Variants in ADAMTS12 observed in about 807,000 individuals in gnomAD.
ADAMTS12 encodes ADAM metallopeptidase with thrombospondin type 1 motif 12.
In ADAMTS12, 118 loss-of-function variants were observed where a neutral mutation model predicts 167.8. That is an observed-to-expected ratio of 0.70 (90% CI 0.61 to 0.82). The LOEUF (loss-of-function observed/expected upper bound fraction) is 0.82, where lower values mean the gene tolerates loss of function less well. Ranked by LOEUF, ADAMTS12 falls within the 40% of genes least tolerant of loss-of-function variation. ADAMTS12 has a pLI of 0.00. For missense variants in ADAMTS12, 1,916 were observed against 1,998.8 expected, an observed-to-expected ratio of 0.96 and a Z score of 0.79; for synonymous variants, 704 against 716.9, an observed-to-expected ratio of 0.98 and a Z score of 0.29.
intron 2 of ADAMTS12, among the ~76,000 whole-genome samples, chr5:33,799,055 G>A (rs1377347832): frequency 1.3e-5 from 2 of 152,022 alleles, no homozygotes; most frequent in African/African-American, 2.4e-5. Context: ...CATGAACACA[G>A]GGCTCACAGG....
chr5:33,545,328 T>G (rs1364330916), intron 22 of ADAMTS12, among the ~76,000 whole-genome samples: 1 of 152,128 alleles, frequency 6.6e-6, no homozygotes, highest in Non-Finnish European at 1.5e-5. Context: ...CTCATGCCAG[T>G]TAGAATGGTG....
rs147518194 is a variant in ADAMTS12, at chr5:33,578,423, G to A, written c.2866-1263C>T. ...ATTTTTACCCCCATCCCCAAACCTA[G>A]TGCAACACACTGTACAAGTAGCTGT... On this transcript the variant is annotated intron_variant, in intron 18 of 23. Coordinates refer to ENST00000504830, the MANE Select transcript of ADAMTS12 (RefSeq NM_030955.4). 3.3e-5 allele frequency among the ~76,000 whole-genome samples: 5 copies of A among 152,232 alleles called. No homozygotes were observed. In the East Asian group the frequency reaches 9.7e-4, roughly 29 times the overall value.
At position 33,525,452 on chromosome 5, in the gene ADAMTS12, C is replaced by T. The variant is rs1353728673; in HGVS notation, c.*1736G>A. 3 of 152,076 alleles carry T rather than the reference C, an allele frequency of 2.0e-5. No homozygotes were observed. The highest frequency in any genetic ancestry group is 1.3e-4 in the Admixed American group (2 of 15,266). The allele number at this position is 152,076 out of a possible 1,614,324, so 9.4% of individuals were successfully genotyped here. ...ATGGCTTGGAAAAAAATAAAAAGCA[C>T]ATAATATTAAATCTTAAATTCAAGG... On this transcript the variant is annotated 3_prime_UTR_variant, in exon 24 of 24. Transcript: ENST00000504830.
intron 6 of ADAMTS12, among the ~76,000 whole-genome samples, chr5:33,661,595 C>T (rs951678588): frequency 3.9e-5 from 6 of 152,202 alleles, no homozygotes; most frequent in African/African-American, 1.4e-4. Flanking sequence ...TGAGGCTCTG[C>T]AAGCAAGCTT....
At chr5:33,827,692 T>C (rs1029630868) in intron 2 of ADAMTS12, among the ~76,000 whole-genome samples, 2 of 150,584 alleles carry the variant, frequency 1.3e-5, no homozygotes, top group Non-Finnish European at 3.0e-5. Flanking sequence ...CATTTGGATA[T>C]GTCCTTGGAG....
At chr5:33,807,147 T>A (rs1159802671) in intron 2 of ADAMTS12, among the ~76,000 whole-genome samples, 2 of 152,236 alleles carry the variant, frequency 1.3e-5, no homozygotes, top group East Asian at 3.8e-4. Context: ...TAGACTTTTA[T>A]CTCCTCCAGG....
At chr5:33,669,407 A>T (rs1741591122) in intron 5 of ADAMTS12, among the ~76,000 whole-genome samples, 1 of 152,176 alleles carries the variant, frequency 6.6e-6, no homozygotes, top group African/African-American at 2.4e-5. Flanking sequence ...CAATCTGTGA[A>T]ATGTTCCACA....
At position 33,682,967 on chromosome 5, in the gene ADAMTS12, G is replaced by A. The variant is rs750067992; in HGVS notation, c.915+51C>T. 20 of 1,492,400 alleles carry A rather than the reference G, an allele frequency of 1.3e-5. No homozygotes were observed. In the African/African-American group the frequency reaches 2.2e-4, roughly 17 times the overall value. 92.4% of individuals were successfully genotyped at this position (1,492,400 alleles called of 1,614,324 possible). A position where few individuals can be genotyped will look rare whatever the true frequency, so the allele number is the denominator to read the frequency against. On this transcript the variant is annotated intron_variant, in intron 5 of 23. Coordinates refer to ENST00000504830, the MANE Select transcript of ADAMTS12 (RefSeq NM_030955.4). ...CCAAGAACTCCCCTGAAAAAAAGAA[G>A]GTAGGAAGTGCGAGGACATATAGCA...
At chr5:33,695,777 A>G (rs994937043) in intron 3 of ADAMTS12, among the ~76,000 whole-genome samples, 5 of 152,172 alleles carry the variant, frequency 3.3e-5, no homozygotes, top group African/African-American at 9.7e-5. Flanking sequence ...CTGGAGAGGG[A>G]TGGATGGTGA....
intron 2 of ADAMTS12, among the ~76,000 whole-genome samples, chr5:33,790,910 A>C (rs1330356884): frequency 6.6e-6 from 1 of 151,902 alleles, no homozygotes; most frequent in Non-Finnish European, 1.5e-5. Flanking sequence ...TTCCTGTTGC[A>C]TCCCACAGGA....
chr5:33,857,455 TA>T (rs1324241864), intron 2 of ADAMTS12, among the ~76,000 whole-genome samples: 7 of 152,058 alleles, frequency 4.6e-5, no homozygotes, highest in African/African-American at 1.7e-4. Flanking sequence ...AAATGGTAAT[TA>T]ATATGAGGTG....
chr5:33,723,990 T>C (rs569708161), intron 3 of ADAMTS12, among the ~76,000 whole-genome samples: 2 of 152,316 alleles, frequency 1.3e-5, no homozygotes, highest in East Asian at 3.9e-4. Flanking sequence ...TTCATGGTGA[T>C]TGTGGCTCTG....
rs149465523 is a variant in ADAMTS12 at position 33,783,317 on chromosome 5, G to C, written c.490-31769C>G. Among the ~76,000 whole-genome samples, 55 of 151,464 alleles carry C rather than the reference G, an allele frequency of 3.6e-4. No individual in the cohort carries two copies. In the East Asian group the frequency reaches 9.8e-3, roughly 27 times the overall value. On this transcript the variant is annotated intron_variant, in intron 2 of 23. Transcript: ENST00000504830. ...ATTAGAAAAGAAGAAAGCTATAAAT[G>C]CATTTATATAAAAACATTAAAAAGG...
At chr5:33,701,456 A>G (rs1742999503) in intron 3 of ADAMTS12, among the ~76,000 whole-genome samples, 1 of 152,132 alleles carries the variant, frequency 6.6e-6, no homozygotes, top group Non-Finnish European at 1.5e-5. Context: ...CTTTCTCTTG[A>G]GCTTTCCTTG....
At chr5:33,791,770 CTT>C (rs34517781) in intron 2 of ADAMTS12, among the ~76,000 whole-genome samples, 36 of 141,248 alleles carry the variant, frequency 2.5e-4, no homozygotes, top group African/African-American at 2.3e-4. Flanking sequence ...ATTTCCTTTT[CTT>C]TTTTTTTTTT....
chr5:33,546,321 T>C (rs1744981788), intron 21 of ADAMTS12, 119 bp from the exon 22 acceptor site: 1 of 924,692 alleles, frequency 1.1e-6, no homozygotes, highest in Non-Finnish European at 1.5e-6. Flanking sequence ...TATTGGTATC[T>C]GTATTAGAAT....
rs141809288 is a variant in ADAMTS12 at position 33,576,454 on chromosome 5, C to G, written c.3572G>C (p.Ser1191Thr). 1.2e-6 allele frequency: 2 copies of G among 1,610,002 alleles called. No individual in the cohort carries two copies. The highest frequency in any genetic ancestry group is 1.3e-5 in the African/African-American group (1 of 74,780). Residue 1191 changes from serine (S) to threonine (T), a missense_variant, in exon 19 of 24, where the codon AGT becomes ACT. Physicochemically the swap from Ser to Thr is moderately conservative, Grantham distance 58. Coordinates refer to ENST00000504830, the MANE Select transcript of ADAMTS12 (RefSeq NM_030955.4). ...RVPGNDAPVE[S>T]TEMPLAPPLT... Reference sequence around the variant, plus strand: ...TGGAGGTGCAAGTGGCATTTCTGTACTTTCCACTGGAGCGTCATTTCCAGG... The same window carrying G: ...TGGAGGTGCAAGTGGCATTTCTGTAGTTTCCACTGGAGCGTCATTTCCAGG...
At chr5:33,810,300 T>TTG (rs1747407052) in intron 2 of ADAMTS12, among the ~76,000 whole-genome samples, 1 of 152,192 alleles carries the variant, frequency 6.6e-6, no homozygotes, top group Admixed American at 6.5e-5. Flanking sequence ...TCCTCTTGGA[T>TTG]TGTATCCCTC....
intron 2 of ADAMTS12, among the ~76,000 whole-genome samples, chr5:33,779,995 C>T (rs1027398396): frequency 1.3e-5 from 2 of 152,064 alleles, no homozygotes; most frequent in African/African-American, 4.8e-5. Context: ...GTTTTTACTA[C>T]AAAAAATGAT....
Sources: gnomAD v4.1 joint callset for allele counts (sites outside exome capture counted in the v4.1 genomes callset) on GRCh38, gnomAD v4.1.1 for gene constraint, MANE v1.5 for transcripts, NCBI Gene and HGNC (gene_info 2026-07-23, HGNC 2026-07-21) for gene names.